Variants in OXCT1 observed in about 807,000 individuals in gnomAD.
OXCT1 encodes the protein succinyl-CoA:3-ketoacid coenzyme A transferase 1, mitochondrial.
OXCT1 carries 27 observed loss-of-function variants against 69.6 expected under a neutral mutation model. That is an observed-to-expected ratio of 0.39 (90% CI 0.29 to 0.54). The LOEUF (loss-of-function observed/expected upper bound fraction) is 0.54. Among genes scored for constraint, OXCT1 ranks in the 20% least tolerant of loss-of-function variants. OXCT1 has a pLI of 0.72. For missense variants in OXCT1, 437 were observed against 650.2 expected, an observed-to-expected ratio of 0.67 and a Z score of 3.57; for synonymous variants, 202 against 217.8, an observed-to-expected ratio of 0.93 and a Z score of 0.64.
intron 15 of OXCT1, among the ~76,000 whole-genome samples, chr5:41,741,913 A>C (rs555541876): frequency 2.2e-4 from 33 of 152,346 alleles, no homozygotes; most frequent in African/African-American, 5.8e-4. Flanking sequence ...ATGACAATTA[A>C]ATTTTTTTAA....
chr5:41,752,970 T>C (rs866906470), intron 14 of OXCT1, among the ~76,000 whole-genome samples: 40 of 152,186 alleles, frequency 2.6e-4, no homozygotes, highest in Admixed American at 1.4e-3. Flanking sequence ...TACTTTCTAT[T>C]GCTTGCTTCT....
chr5:41,859,852 G>A (rs923781144), intron 3 of OXCT1, among the ~76,000 whole-genome samples: 2 of 104,518 alleles, frequency 1.9e-5, no homozygotes. Context: ...TATTATACCT[G>A]ACTAGTATAG....
At chr5:41,853,666 G>C in intron 3 of OXCT1, 112 bp from the exon 4 acceptor site, 1 of 1,193,944 alleles carries the variant, frequency 8.4e-7, no homozygotes, top group East Asian at 2.5e-5. Context: ...CTTTCTTATA[G>C]GCATTTGATC....
intron 15 of OXCT1, among the ~76,000 whole-genome samples, chr5:41,742,264 C>T (rs1386676766): frequency 1.3e-5 from 2 of 152,106 alleles, no homozygotes; most frequent in Non-Finnish European, 2.9e-5. Flanking sequence ...ATTTAGGAAA[C>T]TTTCCATTTA....
At chr5:41,801,828 A>C (rs1291957319) in intron 10 of OXCT1, among the ~76,000 whole-genome samples, 1 of 152,096 alleles carries the variant, frequency 6.6e-6, no homozygotes, top group Non-Finnish European at 1.5e-5. Flanking sequence ...ACTCTATTTA[A>C]ATAGGCCAAG....
intron 5 of OXCT1, among the ~76,000 whole-genome samples, chr5:41,845,155 C>A (rs1040953564): frequency 6.6e-6 from 1 of 152,170 alleles, no homozygotes; most frequent in African/African-American, 2.4e-5. Flanking sequence ...CCTCACCACC[C>A]TCCTGTTCCC....
At chr5:41,848,625 C>T (rs1189389120) in intron 5 of OXCT1, among the ~76,000 whole-genome samples, 2 of 149,260 alleles carry the variant, frequency 1.3e-5, no homozygotes, top group South Asian at 2.1e-4. Context: ...TCAGAAATAA[C>T]ACCGCATATC....
intron 9 of OXCT1, 127 bp downstream of exon 9, chr5:41,805,440 T>C (rs1240328928): frequency 1.6e-6 from 1 of 620,126 alleles, no homozygotes; most frequent in Non-Finnish European, 2.8e-6. Context: ...AAAAAAAAAA[T>C]TGATTAATTA....
intron 3 of OXCT1, 129 bp from the exon 4 acceptor site, chr5:41,853,683 C>T (rs1001801293): frequency 9.8e-7 from 1 of 1,025,240 alleles, no homozygotes; most frequent in Admixed American, 2.0e-5. Context: ...GATCCACATT[C>T]TTAGTCTCCC....
At chr5:41,813,285 C>A (rs533274243) in intron 7 of OXCT1, among the ~76,000 whole-genome samples, 21 of 151,936 alleles carry the variant, frequency 1.4e-4, no homozygotes, top group Admixed American at 7.2e-4. Flanking sequence ...CTCTGGTGTA[C>A]AGATAGGTAG....
At chr5:41,843,848 G>GA (rs1235688514) in intron 5 of OXCT1, among the ~76,000 whole-genome samples, 2 of 151,982 alleles carry the variant, frequency 1.3e-5, no homozygotes, top group African/African-American at 2.4e-5. Context: ...TTGCCTGCTA[G>GA]AAAAAAGATT....
At chr5:41,821,236 G>C (rs1407784251) in intron 7 of OXCT1, among the ~76,000 whole-genome samples, 1 of 152,156 alleles carries the variant, frequency 6.6e-6, no homozygotes, top group Non-Finnish European at 1.5e-5. Context: ...TCTACACAGG[G>C]ACACACATGC....
intron 10 of OXCT1, 119 bp from the exon 11 acceptor site, chr5:41,801,189 G>T: frequency 1.2e-6 from 1 of 810,500 alleles, no homozygotes. Context: ...GAAGACTTGA[G>T]GTAAACTTTT....
intron 16 of OXCT1, among the ~76,000 whole-genome samples, chr5:41,734,520 A>C (rs1014058009): frequency 2.0e-5 from 3 of 152,222 alleles, no homozygotes; most frequent in Non-Finnish European, 4.4e-5. Flanking sequence ...CCATCAAGTA[A>C]CTGGCATACT....
Position 41,767,903 on chromosome 5 carries a change from CT to C in OXCT1, c.1249-5704del, listed in dbSNP as rs758911483. 3.3e-5 allele frequency among the ~76,000 whole-genome samples: 5 copies of C among 151,492 alleles called. No homozygotes were observed. The East Asian group carries it at 5.8e-4, about 18-fold the overall frequency. ...GGCTTTCAGTTTTCTACCTAGCATC[CT>C]TTTTCCCAGAACACTTTATATGTTG... On this transcript the variant is annotated intron_variant, in intron 13 of 16. Coordinates refer to ENST00000196371, the MANE Select transcript of OXCT1 (RefSeq NM_000436.4).
chr5:41,865,988 T>C (rs992952232), intron 1 of OXCT1, among the ~76,000 whole-genome samples: 4 of 151,302 alleles, frequency 2.6e-5, no homozygotes, highest in Admixed American at 1.3e-4. Context: ...TGTATATATT[T>C]ATGGCATACA....
chr5:41,771,807 C>A (rs1378669597), intron 13 of OXCT1, among the ~76,000 whole-genome samples: 3 of 152,094 alleles, frequency 2.0e-5, no homozygotes, highest in African/African-American at 7.2e-5. Flanking sequence ...TTTAAAAATC[C>A]AGGGATAAGT....
chr5:41,778,729 G>A (rs115152835), intron 13 of OXCT1, among the ~76,000 whole-genome samples: 29 of 152,198 alleles, frequency 1.9e-4, no homozygotes, highest in African/African-American at 2.2e-4. Flanking sequence ...AGCTAGAAGC[G>A]GTCAATGTAT....
intron 13 of OXCT1, among the ~76,000 whole-genome samples, chr5:41,766,580 A>G (rs1561372839): frequency 6.6e-6 from 1 of 151,728 alleles, no homozygotes; most frequent in Non-Finnish European, 1.5e-5. Flanking sequence ...AAAAAAAAAA[A>G]AAACAACAAC....
Sources: gnomAD v4.1 joint callset for allele counts (sites outside exome capture counted in the v4.1 genomes callset) on GRCh38, gnomAD v4.1.1 for gene constraint, MANE v1.5 for transcripts, NCBI Gene and HGNC (gene_info 2026-07-23, HGNC 2026-07-21) for gene names.